NFYC: variants seen among roughly 807,000 people sequenced by gnomAD.
NFYC encodes the protein CAAT box DNA-binding protein subunit C.
NFYC carries 25 observed loss-of-function variants against 53.1 expected under a neutral mutation model. The ratio of observed to expected loss-of-function variants is 0.47; its 90% CI spans 0.34 to 0.66. The LOEUF (loss-of-function observed/expected upper bound fraction) is 0.66. Ranked by LOEUF, NFYC falls within the 30% of genes least tolerant of loss-of-function variation. The pLI, the probability that NFYC is intolerant of heterozygous loss-of-function variation, is 0.01. For synonymous variants in NFYC, 145 were observed against 152.6 expected, an observed-to-expected ratio of 0.95 and a Z score of 0.37; for missense variants, 260 against 422.7, an observed-to-expected ratio of 0.62 and a Z score of 3.38.
chr1:40,732,234 A>G (rs1570497441), intron 1 of NFYC, among the ~76,000 whole-genome samples: 2 of 152,252 alleles, frequency 1.3e-5, no homozygotes, highest in African/African-American at 4.8e-5. Flanking sequence ...AATGAAGTAC[A>G]TGCCAAGGAA....
intron 1 of NFYC, among the ~76,000 whole-genome samples, chr1:40,729,491 T>C (rs575493709): frequency 4.0e-4 from 61 of 152,330 alleles, no homozygotes; most frequent in African/African-American, 1.1e-3. Flanking sequence ...TAAAGGAATG[T>C]TGTGGTTGGT....
intron 4 of NFYC, among the ~76,000 whole-genome samples, chr1:40,749,976 G>GA (rs897458978): frequency 6.6e-6 from 1 of 152,080 alleles, no homozygotes; most frequent in African/African-American, 2.4e-5. Context: ...TTCCCTTGGT[G>GA]AGCCCTCACT....
intron 1 of NFYC, chr1:40,695,659 G>A (rs1643092393): frequency 6.6e-6 from 1 of 152,104 alleles, no homozygotes; most frequent in Admixed American, 6.5e-5. Context: ...GACCTCAGGT[G>A]ATCCACCCAC....
At chr1:40,760,536 T>C (rs1646485443) in intron 6 of NFYC, among the ~76,000 whole-genome samples, 1 of 152,056 alleles carries the variant, frequency 6.6e-6, no homozygotes. Flanking sequence ...CTGGCCAATA[T>C]GGTGAAACCC....
intron 7 of NFYC, among the ~76,000 whole-genome samples, chr1:40,765,360 G>A (rs3767952): frequency 0.22 from 32,735 of 152,224 alleles, 4,153 homozygotes; most frequent in South Asian, 0.41. Context: ...ATGGTCTACC[G>A]TGAACTTGAG....
Position 40,758,013 on chromosome 1 carries a change from T to G in NFYC, c.388-108T>G, listed in dbSNP as rs1646325085. 7 of 1,217,042 alleles carry G rather than the reference T, an allele frequency of 5.8e-6. No homozygotes were observed. In the East Asian group the frequency reaches 1.5e-4, roughly 25 times the overall value. The allele number at this position is 1,217,042 out of a possible 1,614,324, so 75.4% of individuals were successfully genotyped here. The stretch of plus-strand genomic sequence containing the variant: ...GGCTTCAAATGTGGAGAGCTCAGCA[T>G]TCAGCAGGCAACTGCACATAGCCTG... On this transcript the variant is annotated intron_variant, in intron 5 of 9. Transcript: ENST00000447388.
At chr1:40,767,981 ATAAAAAT>A (rs1341861383) in intron 8 of NFYC, among the ~76,000 whole-genome samples, 1 of 152,150 alleles carries the variant, frequency 6.6e-6, no homozygotes, top group Non-Finnish European at 1.5e-5. Context: ...GTCTCAAAAA[ATAAAAAT>A]TAAAAAAAGT....
intron 4 of NFYC, among the ~76,000 whole-genome samples, chr1:40,751,517 CACCTCA>C (rs1431423990): frequency 2.6e-5 from 4 of 152,066 alleles, no homozygotes; most frequent in Non-Finnish European, 5.9e-5. Context: ...GTGATCCTCC[CACCTCA>C]GCCTCCCAAG....
intron 5 of NFYC, among the ~76,000 whole-genome samples, chr1:40,757,543 T>G (rs768013773): frequency 1.4e-4 from 22 of 152,202 alleles, no homozygotes; most frequent in Non-Finnish European, 2.5e-4. Context: ...AGACATGCCC[T>G]CAGTGACCAC....
chr1:40,692,482 C>T (rs1466839920), intron 1 of NFYC: 3 of 152,428 alleles, frequency 2.0e-5, no homozygotes, highest in African/African-American at 7.2e-5. Flanking sequence ...AACACCGAAA[C>T]CCAAGTGACA....
chr1:40,749,582 G>A lies in NFYC; in HGVS notation c.187G>A (p.Ala63Thr), dbSNP rs1220545860. 2 of 1,613,652 alleles carry A rather than the reference G, an allele frequency of 1.2e-6. No individual in the cohort carries two copies. The highest frequency in any genetic ancestry group is 1.1e-5 in the South Asian group (1 of 91,076). ...KLDEDVKMIS[A>T]EAPVLFAKAA... ...CCTGTGTCTGTTACAGATGATCAGT[G>A]CAGAAGCGCCTGTACTCTTTGCCAA... The change falls in exon 4 of 10, where the codon GCA becomes ACA. Residue 63 changes from alanine (A) to threonine (T), a missense_variant. Coordinates refer to ENST00000447388, the MANE Select transcript of NFYC (RefSeq NM_014223.5).
intron 8 of NFYC, chr1:40,766,975 G>A: frequency 6.4e-7 from 1 of 1,552,040 alleles, no homozygotes; most frequent in East Asian, 2.4e-5. Context: ...AACCTTACAG[G>A]TGTGCACACC....
chr1:40,755,114 A>G (rs1417852073), intron 5 of NFYC, among the ~76,000 whole-genome samples: 1 of 151,948 alleles, frequency 6.6e-6, no homozygotes, highest in East Asian at 1.9e-4. Flanking sequence ...ACTCTCCAAA[A>G]CCCACCCTTT....
intron 1 of NFYC, among the ~76,000 whole-genome samples, chr1:40,694,330 A>C (rs1240448446): frequency 6.6e-6 from 1 of 152,262 alleles, no homozygotes; most frequent in African/African-American, 2.4e-5. Context: ...AAATATTTGC[A>C]GTTCCAATTT....
At chr1:40,722,681 C>G (rs1048323556) in intron 1 of NFYC, among the ~76,000 whole-genome samples, 1 of 152,190 alleles carries the variant, frequency 6.6e-6, no homozygotes, top group Non-Finnish European at 1.5e-5. Context: ...TTCAGCTGCT[C>G]TGTGGGATGT....
At chr1:40,764,285 ACT>A (rs753529980) in intron 7 of NFYC, among the ~76,000 whole-genome samples, 5 of 152,180 alleles carry the variant, frequency 3.3e-5, no homozygotes, top group African/African-American at 4.8e-5. Context: ...TGTGAAAATA[ACT>A]CTAAAAGTAT....
chr1:40,757,470 A>G (rs774979788), intron 5 of NFYC: 19 of 425,774 alleles, frequency 4.5e-5, no homozygotes, highest in Non-Finnish European at 8.1e-5. Context: ...AGAGCTGTCC[A>G]TCAGGCCCCC....
intron 1 of NFYC, among the ~76,000 whole-genome samples, chr1:40,692,907 A>C (rs1199767263): frequency 1.3e-5 from 2 of 152,190 alleles, no homozygotes; most frequent in African/African-American, 4.8e-5. Flanking sequence ...AGGACCATAC[A>C]AGTAGTTTTG....
chr1:40,743,875 G>GAT (rs1182784095), intron 2 of NFYC, among the ~76,000 whole-genome samples: 1 of 152,214 alleles, frequency 6.6e-6, no homozygotes, highest in Non-Finnish European at 1.5e-5. Context: ...GTTCCCAGGT[G>GAT]ATACCATTGC....
Sources: allele counts gnomAD v4.1 joint callset (sites outside exome capture counted in the v4.1 genomes callset), GRCh38; gene constraint gnomAD v4.1.1; transcripts MANE v1.5; gene names NCBI Gene and HGNC (gene_info 2026-07-23, HGNC 2026-07-21).